The following CRHR1 variants were observed in gnomAD, a reference collection of about 807,000 sequenced individuals.
The protein encoded by CRHR1 is corticotropin releasing hormone receptor 1.
A neutral mutation model predicts 56.0 loss-of-function variants in CRHR1; 28 were observed. The ratio of observed to expected loss-of-function variants is 0.50; its 90% CI spans 0.37 to 0.69. The LOEUF is 0.69. Ranked by LOEUF, CRHR1 falls within the 30% of genes least tolerant of loss-of-function variation. CRHR1 has a pLI of 0.00. For synonymous variants in CRHR1, 195 were observed against 216.5 expected, an observed-to-expected ratio of 0.90 and a Z score of 0.87; for missense variants, 376 against 548.0, an observed-to-expected ratio of 0.69 and a Z score of 3.13.
At chr17:45,812,247 A>G (rs1385217730) in intron 2 of CRHR1, among the ~76,000 whole-genome samples, 1 of 152,260 alleles carries the variant, frequency 6.6e-6, no homozygotes, top group East Asian at 1.9e-4. Context: ...ACTTTTCCCC[A>G]AAACCTATGG....
At position 45,796,389 on chromosome 17, in the gene CRHR1, C is replaced by G. The variant is rs1020418735; in HGVS notation, c.34-10621C>G. On this transcript the variant is annotated intron_variant, in intron 1 of 12. Transcript: ENST00000314537. ...AGGGTCCTACTGTTGTCCGCCCCCT[C>G]GTTCCCACTGCCAGCTCTGGGGGAG... Among the ~76,000 whole-genome samples the G allele has an allele frequency of 2.6e-5, 4 of 152,340 alleles. No individual in the cohort carries two copies. In the East Asian group the frequency reaches 7.7e-4, roughly 29 times the overall value.
intron 4 of CRHR1, chr17:45,826,327 G>A (rs771344175): frequency 6.6e-5 from 10 of 152,146 alleles, no homozygotes; most frequent in Non-Finnish European, 1.3e-4. Context: ...GGTTGTTATT[G>A]GAAATGTCAC....
At chr17:45,828,888 G>A (rs1039799834) in intron 4 of CRHR1, among the ~76,000 whole-genome samples, 4 of 152,226 alleles carry the variant, frequency 2.6e-5, no homozygotes, top group African/African-American at 9.6e-5. Flanking sequence ...GTAGATGCGA[G>A]TGTGAGGGCG....
chr17:45,787,614 T>C, intron 1 of CRHR1, among the ~76,000 whole-genome samples: 1 of 152,232 alleles, frequency 6.6e-6, no homozygotes. Flanking sequence ...TGGGCACAGC[T>C]GTGGCCATTG....
At chr17:45,809,488 C>G (rs1281318738) in intron 2 of CRHR1, among the ~76,000 whole-genome samples, 2 of 152,240 alleles carry the variant, frequency 1.3e-5, no homozygotes, top group Non-Finnish European at 2.9e-5. Flanking sequence ...TTGGAGCCAG[C>G]AGGCCATGAT....
At position 45,806,917 on chromosome 17, in the gene CRHR1, A is replaced by C. The variant is rs968235842; in HGVS notation, c.34-93A>C. On this transcript the variant is annotated intron_variant, in intron 1 of 12. Coordinates refer to ENST00000314537, the MANE Select transcript of CRHR1 (RefSeq NM_004382.5). ...GGTGGGAGGGGAGGCAGGCAGGTGC[A>C]GTGTCACCCCTGCAGTTTTCCTGGG... is the stretch of plus-strand genomic sequence containing the variant. The C allele has an allele frequency of 2.8e-6, 3 of 1,058,294 alleles. No homozygotes were observed. The Admixed American group carries it at 6.0e-5, about 21-fold the overall frequency. The allele number at this position is 1,058,294 out of a possible 1,614,324, so 65.6% of individuals were successfully genotyped here.
chr17:45,807,377 C>T (rs1324353670), intron 2 of CRHR1, among the ~76,000 whole-genome samples: 2 of 152,228 alleles, frequency 1.3e-5, no homozygotes, highest in Non-Finnish European at 2.9e-5. Context: ...GTTATCTTCC[C>T]TGCTTTAGGG....
intron 4 of CRHR1, chr17:45,827,768 G>A (rs78872653): frequency 0.14 from 21,853 of 152,354 alleles, 2,144 homozygotes; most frequent in Middle Eastern, 0.22. Flanking sequence ...CTTGGTGGCC[G>A]GGCGGAACTG....
At chr17:45,810,346 A>T (rs1478335725) in intron 2 of CRHR1, among the ~76,000 whole-genome samples, 4 of 152,196 alleles carry the variant, frequency 2.6e-5, no homozygotes, top group African/African-American at 9.7e-5. Flanking sequence ...GTTGGACGCC[A>T]TTCCAAGTGC....
Position 45,830,448 on chromosome 17 carries a change from A to G in CRHR1, c.587A>G (p.Asn196Ser). ...GWCRLVTAAYNYFHVTNFFWM... is the reference protein window; with the variant it reads ...GWCRLVTAAYSYFHVTNFFWM... The stretch of plus-strand genomic sequence containing the variant: ...TGCAGGTTGGTGACAGCCGCCTACA[A>G]CTACTTCCATGTGACCAACTTCTTC... The change falls in exon 7 of 13, where the codon AAC (asparagine) becomes AGC (serine). Residue 196 changes from asparagine to serine, a missense_variant. Asn to Ser is a conservative substitution (Grantham distance 46, BLOSUM62 1). Transcript: ENST00000314537. 1.9e-6 allele frequency: 3 copies of G among 1,613,286 alleles called. No individual in the cohort carries two copies. The highest frequency in any genetic ancestry group is 2.2e-5 in the East Asian group (1 of 44,864).
intron 1 of CRHR1, among the ~76,000 whole-genome samples, chr17:45,806,267 CAG>C (rs1434896674): frequency 6.6e-6 from 1 of 152,234 alleles, no homozygotes; most frequent in Admixed American, 6.5e-5. Context: ...ATTCTGGAAT[CAG>C]AGTGACACGG....
chr17:45,804,884 G>A lies in CRHR1; in HGVS notation c.34-2126G>A, dbSNP rs547339768. Among the ~76,000 whole-genome samples the A allele has an allele frequency of 6.6e-5, 10 of 151,630 alleles. No individual in the cohort carries two copies. In the South Asian group the frequency reaches 1.7e-3, roughly 25 times the overall value. On this transcript the variant is annotated intron_variant, in intron 1 of 12. Transcript: ENST00000314537. ...GGCTGGAGTGCAGTGGCGTGATCTC[G>A]GCTCACTACAACCTCAACCTCCCGG...
rs373640752 is a variant in CRHR1, at chr17:45,830,366, G to A, written c.556-51G>A. ...CTGGGGAGGCCCAGGCCCAGGGTTT[G>A]GTGCCTCCCCTGCCCCCCATCATCA... On this transcript the variant is annotated intron_variant, in intron 6 of 12. Transcript: ENST00000314537. The A allele has an allele frequency of 2.4e-4, 374 of 1,583,370 alleles. No homozygotes were observed. In the African/African-American group the frequency reaches 3.7e-3, roughly 16 times the overall value.
At position 45,834,128 on chromosome 17, in the gene CRHR1, C is replaced by T. The variant is rs1196204534; in HGVS notation, c.1107+80C>T. On this transcript the variant is annotated intron_variant, in intron 12 of 12. Transcript: ENST00000314537. ...TGGCGATTGTCTAGAGCCTTCTCCT[C>T]CCCTCCCAGGGCTGCCTCTCTCCCT... 1.0e-4 allele frequency: 155 copies of T among 1,532,092 alleles called. 1 individual carries two copies. In the South Asian group the frequency reaches 1.4e-3, roughly 14 times the overall value. 94.9% of individuals were successfully genotyped at this position (1,532,092 alleles called of 1,614,324 possible).
Position 45,784,498 on chromosome 17 carries a change from G to T in CRHR1, c.-47G>T. 1 of 1,511,280 alleles carries T rather than the reference G, an allele frequency of 6.6e-7. No homozygotes were observed. The highest frequency in any genetic ancestry group is 8.9e-7 in the Non-Finnish European group (1 of 1,127,268). The allele number at this position is 1,511,280 out of a possible 1,614,324, so 93.6% of individuals were successfully genotyped here. On this transcript the variant is annotated 5_prime_UTR_variant, in exon 1 of 13. It removes an upstream start codon present in the reference 5' UTR. Transcript: ENST00000314537. This position sits in a 1 kb window ranked among gnomAD's most constrained non-coding sequence, Gnocchi z 4.2. Reference sequence around the variant, plus strand: ...AGCCGCCCGCCGGTCCCTCTGGGATGTCCGTAGGACCCGGGCATTCAGGAC... The same window carrying T: ...AGCCGCCCGCCGGTCCCTCTGGGATTTCCGTAGGACCCGGGCATTCAGGAC...
intron 1 of CRHR1, among the ~76,000 whole-genome samples, chr17:45,793,770 CAGG>C (rs1396135209): frequency 6.6e-6 from 1 of 152,202 alleles, no homozygotes; most frequent in African/African-American, 2.4e-5. Flanking sequence ...GCTGACAGGG[CAGG>C]AGACCTGGGG....
At chr17:45,815,900 A>G (rs1487458494) in intron 2 of CRHR1, among the ~76,000 whole-genome samples, 5 of 152,214 alleles carry the variant, frequency 3.3e-5, no homozygotes, top group African/African-American at 1.2e-4. Flanking sequence ...CACGTGACGT[A>G]TGGTCAGTAA....
At chr17:45,787,146 A>C (rs1264937840) in intron 1 of CRHR1, among the ~76,000 whole-genome samples, 1 of 152,196 alleles carries the variant, frequency 6.6e-6, no homozygotes, top group Non-Finnish European at 1.5e-5. Flanking sequence ...TAACAGTTAC[A>C]GAGTCCTGGG....
chr17:45,784,494 G>A lies in CRHR1; in HGVS notation c.-51G>A, dbSNP rs1239660794. On this transcript the variant is annotated 5_prime_UTR_variant, in exon 1 of 13. Transcript: ENST00000314537. This position sits in a 1 kb window ranked among gnomAD's most constrained non-coding sequence, Gnocchi z 4.2. Reference sequence around the variant, plus strand: ...CCGCAGCCGCCCGCCGGTCCCTCTGGGATGTCCGTAGGACCCGGGCATTCA... The same window carrying A: ...CCGCAGCCGCCCGCCGGTCCCTCTGAGATGTCCGTAGGACCCGGGCATTCA... The A allele has an allele frequency of 8.6e-6, 13 of 1,505,350 alleles. No individual in the cohort carries two copies. Among genetic ancestry groups the A allele is most frequent in the Non-Finnish European group, 1.2e-5 (13 of 1,124,018 alleles). 93.2% of individuals were successfully genotyped at this position (1,505,350 alleles called of 1,614,324 possible).
Sources: allele counts gnomAD v4.1 joint callset (sites outside exome capture counted in the v4.1 genomes callset), GRCh38; gene constraint gnomAD v4.1.1; non-coding constraint Gnocchi (gnomAD v3.1); transcripts MANE v1.5; gene names NCBI Gene and HGNC (gene_info 2026-07-23, HGNC 2026-07-21).